The following SCML4 variants were observed in gnomAD, a reference collection of about 807,000 sequenced individuals.
SCML4 encodes Scm polycomb group protein like 4.
In SCML4, 34 loss-of-function variants were observed where a neutral mutation model predicts 41.1. That is an observed-to-expected ratio of 0.83 (90% CI 0.63 to 1.10). The LOEUF (loss-of-function observed/expected upper bound fraction) is 1.10, where lower values mean the gene tolerates loss of function less well. SCML4 is among the 50% of genes least tolerant of loss of function. SCML4 has a pLI of 0.00. For missense variants in SCML4, 522 were observed against 534.1 expected (o/e 0.98, Z 0.22); for synonymous variants, 214 against 220.9 (o/e 0.97, Z 0.28).
chr6:107,826,102 G>A (rs186866325), upstream of SCML4, among the ~76,000 whole-genome samples: 67 of 151,970 alleles, frequency 4.4e-4, 1 homozygote, highest in African/African-American at 1.5e-3. Context: ...AAATTAGCCA[G>A]GCTTGGTGGC....
chr6:107,817,342 G>A lies in SCML4; in HGVS notation c.-60+6784C>T, dbSNP rs567951537. On this transcript the variant is annotated intron_variant, in intron 1 of 7. Transcript: ENST00000369020. ...CTGAATGTACCTTTTTCTAGGCCAG[G>A]TGCAATGGCTCACGCCTTAATCCCA... Among the ~76,000 whole-genome samples the A allele has an allele frequency of 1.4e-4, 21 of 152,264 alleles. No homozygotes were observed. The South Asian group carries it at 3.9e-3, about 29-fold the overall frequency.
At chr6:107,736,664 CT>C (rs1452731484) in intron 5 of SCML4, among the ~76,000 whole-genome samples, 1 of 152,118 alleles carries the variant, frequency 6.6e-6, no homozygotes. Flanking sequence ...AATAAATGAT[CT>C]TTTGTAAAGA....
At chr6:107,777,460 A>G (rs1348113462) in intron 1 of SCML4, among the ~76,000 whole-genome samples, 1 of 152,166 alleles carries the variant, frequency 6.6e-6, no homozygotes, top group East Asian at 1.9e-4. Flanking sequence ...AATAGGATAA[A>G]GAGAAAAATA....
At chr6:107,733,938 C>T (rs766569047) in intron 5 of SCML4, among the ~76,000 whole-genome samples, 4 of 152,214 alleles carry the variant, frequency 2.6e-5, no homozygotes, top group Non-Finnish European at 2.9e-5. Context: ...GGGAGACCCC[C>T]GGCCATCTGG....
intron 6 of SCML4, among the ~76,000 whole-genome samples, chr6:107,717,143 C>CAAAAAAAAAA (rs546258538): frequency 7.9e-5 from 5 of 63,536 alleles, no homozygotes; most frequent in African/African-American, 3.2e-4. Flanking sequence ...ACTAAAAATA[C>CAAAAAAAAAA]AAAAAAAAAA....
chr6:107,826,949 G>T (rs1041035200), upstream of SCML4, among the ~76,000 whole-genome samples: 75 of 152,128 alleles, frequency 4.9e-4, no homozygotes, highest in Non-Finnish European at 1.8e-4. Context: ...TGTAGTCCCA[G>T]CTACTTGGGA....
intron 1 of SCML4, among the ~76,000 whole-genome samples, chr6:107,772,746 G>A (rs566084953): frequency 6.6e-6 from 1 of 152,254 alleles, no homozygotes; most frequent in African/African-American, 2.4e-5. Context: ...TTGAACTGTT[G>A]TAACAATAAT....
intron 1 of SCML4, among the ~76,000 whole-genome samples, chr6:107,777,408 G>A (rs990261387): frequency 2.0e-5 from 3 of 152,082 alleles, no homozygotes; most frequent in Non-Finnish European, 2.9e-5. Context: ...GAGCTGCCAC[G>A]CCCAGCCACA....
intron 6 of SCML4, among the ~76,000 whole-genome samples, chr6:107,709,443 G>T (rs561612257): frequency 6.6e-6 from 1 of 152,336 alleles, no homozygotes; most frequent in East Asian, 1.9e-4. Context: ...TATGTCAGGT[G>T]CTCCGCCAAG....
In SCML4 at chr6:107,707,545, C is replaced by T. The variant is rs575577456; in HGVS notation, c.1119+321G>A. Among the ~76,000 whole-genome samples the T allele has an allele frequency of 1.9e-4, 29 of 152,222 alleles. No homozygotes were observed. In the East Asian group the frequency reaches 3.1e-3, roughly 16 times the overall value. ...TGCTACTGCGGTTTGCCTGGCATGT[C>T]GTTGGTGTGCTGTGAATGTTTGTTG... On this transcript the variant is annotated intron_variant, in intron 7 of 7. Coordinates refer to ENST00000369020, the MANE Select transcript of SCML4 (RefSeq NM_198081.5).
chr6:107,841,441 G>A, the SCML4 span, among the ~76,000 whole-genome samples: 10 of 152,166 alleles, frequency 6.6e-5, no homozygotes, highest in Admixed American at 2.6e-4. Flanking sequence ...GTGCCAGCAC[G>A]GGGGAAATAG....
chr6:107,797,002 C>A (rs180716568), intron 1 of SCML4, among the ~76,000 whole-genome samples: 35 of 152,138 alleles, frequency 2.3e-4, no homozygotes, highest in African/African-American at 8.4e-4. Flanking sequence ...TATTTCTGAA[C>A]GCTTGATTCT....
intron 5 of SCML4, chr6:107,740,191 C>T (rs1388142398): frequency 2.1e-6 from 1 of 470,448 alleles, no homozygotes; most frequent in African/African-American, 2.0e-5. Flanking sequence ...CCATTTTAGG[C>T]TCAGTTTTAG....
At chr6:107,723,329 A>G (rs769387944) in intron 5 of SCML4, among the ~76,000 whole-genome samples, 9 of 152,210 alleles carry the variant, frequency 5.9e-5, no homozygotes, top group Non-Finnish European at 1.3e-4. Flanking sequence ...CTACAGTTGG[A>G]CAAAATCATC....
chr6:107,742,546 A>T (rs1371072652), intron 5 of SCML4, among the ~76,000 whole-genome samples: 1 of 152,214 alleles, frequency 6.6e-6, no homozygotes, highest in African/African-American at 2.4e-5. Context: ...AAAAGCAGCA[A>T]CAAAAAAGAA....
the SCML4 span, among the ~76,000 whole-genome samples, chr6:107,831,410 T>TAAAAA: frequency 6.6e-5 from 1 of 15,232 alleles, no homozygotes; most frequent in Non-Finnish European, 2.1e-4. Flanking sequence ...ATTTTCATTC[T>TAAAAA]CAAAAAAAAA....
chr6:107,825,035 G>A (rs992559623), upstream of SCML4, among the ~76,000 whole-genome samples: 27 of 152,224 alleles, frequency 1.8e-4, no homozygotes, highest in African/African-American at 5.8e-4. Flanking sequence ...CCACCTCAAC[G>A]TGGTGGGACC....
At chr6:107,799,860 A>G (rs1392158102) in intron 1 of SCML4, among the ~76,000 whole-genome samples, 1 of 151,954 alleles carries the variant, frequency 6.6e-6, no homozygotes, top group African/African-American at 2.4e-5. Flanking sequence ...TTTCTTTTCT[A>G]AAATATCCAT....
intron 1 of SCML4, among the ~76,000 whole-genome samples, chr6:107,823,114 C>T (rs547190888): frequency 1.3e-5 from 2 of 152,228 alleles, no homozygotes; most frequent in East Asian, 3.9e-4. Context: ...AACAAATACC[C>T]TGATTCTGAA....
Sources: allele counts gnomAD v4.1 joint callset (sites outside exome capture counted in the v4.1 genomes callset), GRCh38; gene constraint gnomAD v4.1.1; transcripts MANE v1.5; gene names NCBI Gene and HGNC (gene_info 2026-07-23, HGNC 2026-07-21).